Variants in ATP2C2 observed in about 807,000 individuals in gnomAD.
ATP2C2 encodes the protein ATPase secretory pathway Ca2+ transporting 2.
A neutral mutation model predicts 110.8 loss-of-function variants in ATP2C2; 171 were observed. The ratio of observed to expected loss-of-function variants is 1.54; its 90% CI spans 1.36 to 1.75. The LOEUF is 1.75. Among genes scored for constraint, ATP2C2 ranks in the 40% most tolerant of loss-of-function variants. ATP2C2 has a pLI of 0.00. For missense variants in ATP2C2, 1,963 were observed against 1,235.0 expected, an observed-to-expected ratio of 1.59 and a Z score of -8.84; for synonymous variants, 804 against 508.4, an observed-to-expected ratio of 1.58 and a Z score of -7.82.
intron 1 of ATP2C2, among the ~76,000 whole-genome samples, chr16:84,392,646 A>G (rs772102681): frequency 2.0e-5 from 3 of 152,108 alleles, no homozygotes; most frequent in Admixed American, 6.5e-5. Flanking sequence ...TATTTTTAGT[A>G]GAGATGGGCT....
chr16:84,448,938 A>T (rs1264788249), intron 17 of ATP2C2, among the ~76,000 whole-genome samples: 1 of 152,162 alleles, frequency 6.6e-6, no homozygotes, highest in Non-Finnish European at 1.5e-5. Context: ...TGAGTTTCCT[A>T]AGGCAGGTGA....
At chr16:84,443,421 G>A (rs149048832) in intron 15 of ATP2C2, among the ~76,000 whole-genome samples, 5 of 152,046 alleles carry the variant, frequency 3.3e-5, no homozygotes, top group Non-Finnish European at 5.9e-5. Flanking sequence ...TCTCTGACTC[G>A]GGTGTGATCA....
At chr16:84,373,711 A>G (rs1910093292) in intron 1 of ATP2C2, among the ~76,000 whole-genome samples, 1 of 152,182 alleles carries the variant, frequency 6.6e-6, no homozygotes, top group African/African-American at 2.4e-5. Flanking sequence ...GGAATAGTAG[A>G]AAGAAATATT....
intron 2 of ATP2C2, 175 bp from the exon 3 acceptor site, chr16:84,404,953 C>A: frequency 1.4e-6 from 1 of 707,664 alleles, no homozygotes; most frequent in South Asian, 1.5e-5. Context: ...GCCTTTTCCT[C>A]CTCTCTCTGC....
chr16:84,421,447 C>T (rs1907330779), intron 7 of ATP2C2, among the ~76,000 whole-genome samples: 2 of 152,104 alleles, frequency 1.3e-5, no homozygotes. Flanking sequence ...AGTCGCAGGT[C>T]CCTGTTTGAG....
intron 6 of ATP2C2, among the ~76,000 whole-genome samples, chr16:84,412,518 C>A (rs1329133009): frequency 1.7e-5 from 2 of 121,212 alleles, no homozygotes; most frequent in Non-Finnish European, 3.5e-5. Context: ...CTGTGTGTGT[C>A]TGTGTGTGCA....
At chr16:84,440,576 C>T (rs948731853) in intron 13 of ATP2C2, among the ~76,000 whole-genome samples, 4 of 152,234 alleles carry the variant, frequency 2.6e-5, no homozygotes, top group Non-Finnish European at 5.9e-5. Flanking sequence ...AATAGAAGCA[C>T]TCTTCTATGC....
chr16:84,454,414 A>G (rs1381017385), intron 20 of ATP2C2, among the ~76,000 whole-genome samples: 1 of 152,240 alleles, frequency 6.6e-6, no homozygotes, highest in East Asian at 1.9e-4. Context: ...AGCTCTACAG[A>G]GTAAATCCCT....
At chr16:84,406,219 C>G (rs766065257) in intron 3 of ATP2C2, among the ~76,000 whole-genome samples, 6 of 152,160 alleles carry the variant, frequency 3.9e-5, no homozygotes, top group Non-Finnish European at 8.8e-5. Context: ...TGCCTGGAAG[C>G]CACTAAGAAG....
At chr16:84,378,959 T>C (rs1415268031) in intron 1 of ATP2C2, among the ~76,000 whole-genome samples, 4 of 151,248 alleles carry the variant, frequency 2.6e-5, no homozygotes, top group Non-Finnish European at 5.9e-5. Context: ...CTCACCTACT[T>C]TTTTTTTTCA....
intron 1 of ATP2C2, among the ~76,000 whole-genome samples, chr16:84,391,629 G>A (rs1471549700): frequency 6.6e-6 from 1 of 152,194 alleles, no homozygotes; most frequent in Non-Finnish European, 1.5e-5. Flanking sequence ...GAACGCGGAA[G>A]ATTGTCAGCC....
At chr16:84,379,395 G>A (rs1274578816) in intron 1 of ATP2C2, among the ~76,000 whole-genome samples, 1 of 152,090 alleles carries the variant, frequency 6.6e-6, no homozygotes, top group Admixed American at 6.6e-5. Flanking sequence ...TGAACTCCTG[G>A]GCTCAAGAGA....
intron 11 of ATP2C2, among the ~76,000 whole-genome samples, chr16:84,431,709 T>G (rs1221217283): frequency 1.3e-5 from 2 of 152,176 alleles, no homozygotes; most frequent in South Asian, 2.1e-4. Context: ...ATGGAGTTGC[T>G]TAGATCATGG....
rs1907510203 is a variant in ATP2C2 at position 84,423,196 on chromosome 16, A to C, written c.852A>C (p.Lys284Asn). Residue 284 changes from lysine to asparagine, a missense_variant, in exon 10 of 27, where the codon AAA becomes AAC. Physicochemically the swap from Lys to Asn is moderately conservative, Grantham distance 94. Coordinates refer to ENST00000262429, the MANE Select transcript of ATP2C2 (RefSeq NM_014861.4). ...FKMMQAEETPKTPLQKSMDRL... is the reference protein window; with the variant it reads ...FKMMQAEETPNTPLQKSMDRL... ...TGTGCTCACCCTTTCAGACACCTAA[A>C]ACTCCTTTGCAGAAAAGCATGGACA... 6.2e-7 allele frequency: 1 copy of C among 1,613,948 alleles called. No homozygotes were observed. The highest frequency in any genetic ancestry group is 8.5e-7 in the Non-Finnish European group (1 of 1,179,968).
At chr16:84,463,229 G>A (rs1205145292) in intron 26 of ATP2C2, among the ~76,000 whole-genome samples, 1 of 115,084 alleles carries the variant, frequency 8.7e-6, no homozygotes, top group Non-Finnish European at 2.1e-5. Context: ...ATTCATCCCA[G>A]GGAACATGTC....
At position 84,393,182 on chromosome 16, in the gene ATP2C2, A is replaced by G. The variant is rs368908347; in HGVS notation, c.100-5317A>G. Among the ~76,000 whole-genome samples the G allele has an allele frequency of 1.4e-4, 22 of 152,316 alleles. No homozygotes were observed. In the East Asian group the frequency reaches 3.7e-3, roughly 25 times the overall value. ...GTAGTTTCTGGAAACAGAGTGGACA[A>G]TCCTGTTTTCAACAAAGGATACATT... On this transcript the variant is annotated intron_variant, in intron 1 of 26. Transcript: ENST00000262429.
intron 11 of ATP2C2, among the ~76,000 whole-genome samples, chr16:84,435,068 T>C (rs1250156593): frequency 1.3e-5 from 2 of 152,230 alleles, no homozygotes; most frequent in African/African-American, 2.4e-5. Flanking sequence ...TCCATGCCTG[T>C]TGTATTGTCC....
intron 9 of ATP2C2, 112 bp from the exon 10 acceptor site, chr16:84,423,076 C>A: frequency 3.6e-6 from 3 of 845,060 alleles, no homozygotes; most frequent in East Asian, 2.5e-5. Context: ...CATATGTGTA[C>A]CCCTGTGTAA....
At chr16:84,410,633 T>C in intron 5 of ATP2C2, 30 bp downstream of exon 5, 3 of 1,613,904 alleles carry the variant, frequency 1.9e-6, no homozygotes, top group African/African-American at 1.3e-5. Flanking sequence ...CCAGTCAGGG[T>C]AAGCTGGGCG....
Sources: gnomAD v4.1 joint callset for allele counts (sites outside exome capture counted in the v4.1 genomes callset) on GRCh38, gnomAD v4.1.1 for gene constraint, MANE v1.5 for transcripts, NCBI Gene and HGNC (gene_info 2026-07-23, HGNC 2026-07-21) for gene names.